The following ACOXL variants were observed in gnomAD, a reference collection of about 807,000 sequenced individuals.
ACOXL encodes acyl-coenzyme A oxidase-like protein.
In ACOXL, 70 loss-of-function variants were observed where a neutral mutation model predicts 71.9. The ratio of observed to expected loss-of-function variants is 0.97; its 90% confidence interval spans 0.80 to 1.19. ACOXL has a LOEUF of 1.19. Ranked by LOEUF, ACOXL falls within the 50% of genes most tolerant of loss-of-function variation. ACOXL has a pLI of 0.00. For synonymous variants in ACOXL, 253 were observed against 281.6 expected, an observed-to-expected ratio of 0.90 and a Z score of 1.02; for missense variants, 703 against 736.3, an observed-to-expected ratio of 0.95 and a Z score of 0.52.
chr2:110,951,994 A>G (rs1488756648), intron 12 of ACOXL, among the ~76,000 whole-genome samples: 1 of 152,220 alleles, frequency 6.6e-6, no homozygotes, highest in Non-Finnish European at 1.5e-5. Flanking sequence ...CATCACTCTC[A>G]TTAAATGACT....
At chr2:111,086,948 C>T (rs1033311984) in intron 16 of ACOXL, among the ~76,000 whole-genome samples, 5 of 152,178 alleles carry the variant, frequency 3.3e-5, no homozygotes, top group African/African-American at 1.2e-4. Context: ...TAAACAACTT[C>T]AGCAAATTTC....
intron 16 of ACOXL, among the ~76,000 whole-genome samples, chr2:111,056,402 C>A (rs545216123): frequency 2.6e-5 from 4 of 152,132 alleles, no homozygotes; most frequent in African/African-American, 9.7e-5. Flanking sequence ...ACCAACCCCC[C>A]AAATTATTGG....
intron 16 of ACOXL, among the ~76,000 whole-genome samples, chr2:111,058,025 C>T (rs1426094531): frequency 6.6e-6 from 1 of 152,180 alleles, no homozygotes; most frequent in Non-Finnish European, 1.5e-5. Flanking sequence ...TCTCCATTTC[C>T]TCTGTGCACA....
intron 16 of ACOXL, among the ~76,000 whole-genome samples, chr2:111,066,440 G>A (rs1013996888): frequency 6.6e-6 from 1 of 152,160 alleles, no homozygotes; most frequent in African/African-American, 2.4e-5. Context: ...TAAGGGACCT[G>A]TGTGGTGATG....
intron 10 of ACOXL, among the ~76,000 whole-genome samples, chr2:110,845,822 C>T (rs1559337175): frequency 1.3e-5 from 2 of 152,196 alleles, no homozygotes; most frequent in Admixed American, 6.5e-5. Flanking sequence ...TCTGTTTCTC[C>T]ATTCATCCAT....
intron 9 of ACOXL, among the ~76,000 whole-genome samples, chr2:110,807,577 G>A (rs1686820623): frequency 1.3e-5 from 2 of 152,168 alleles, no homozygotes; most frequent in Admixed American, 1.3e-4. Flanking sequence ...CCCGGAGTTA[G>A]CACCTGCCCT....
intron 10 of ACOXL, among the ~76,000 whole-genome samples, chr2:110,905,727 T>G (rs904060739): frequency 1.3e-5 from 2 of 152,178 alleles, no homozygotes; most frequent in South Asian, 2.1e-4. Flanking sequence ...AGGGTTGGGC[T>G]TCTGAGTTCC....
At chr2:110,864,102 C>T (rs1694274555) in intron 10 of ACOXL, among the ~76,000 whole-genome samples, 3 of 152,160 alleles carry the variant, frequency 2.0e-5, no homozygotes, top group Non-Finnish European at 2.9e-5. Flanking sequence ...GTTGACTCTG[C>T]ACCAAAGATG....
chr2:111,045,159 AG>A (rs973027662), intron 15 of ACOXL, among the ~76,000 whole-genome samples: 1 of 152,218 alleles, frequency 6.6e-6, no homozygotes, highest in Non-Finnish European at 1.5e-5. Context: ...CTCATGCCCC[AG>A]GGAGACTTTG....
chr2:110,854,850 C>T (rs1025942383), intron 10 of ACOXL, among the ~76,000 whole-genome samples: 9 of 152,226 alleles, frequency 5.9e-5, no homozygotes, highest in African/African-American at 1.7e-4. Context: ...GCAGAGATTA[C>T]TGCTCTGCTC....
At chr2:110,937,843 T>C (rs1326469339) in intron 12 of ACOXL, among the ~76,000 whole-genome samples, 1 of 152,190 alleles carries the variant, frequency 6.6e-6, no homozygotes, top group Non-Finnish European at 1.5e-5. Flanking sequence ...AGTTTTTCCT[T>C]ACATAATATG....
At chr2:110,843,632 A>G (rs1272630301) in intron 10 of ACOXL, among the ~76,000 whole-genome samples, 1 of 152,150 alleles carries the variant, frequency 6.6e-6, no homozygotes, top group Non-Finnish European at 1.5e-5. Context: ...ACAAAATGCA[A>G]GGAGGAAGTT....
chr2:110,919,170 T>C (rs566158083), intron 11 of ACOXL, among the ~76,000 whole-genome samples: 73 of 152,246 alleles, frequency 4.8e-4, no homozygotes, highest in Admixed American at 1.4e-3. Flanking sequence ...TGCCCATCAA[T>C]GATAGACTAG....
At chr2:111,014,775 A>G (rs552851852) in intron 14 of ACOXL, among the ~76,000 whole-genome samples, 1 of 152,382 alleles carries the variant, frequency 6.6e-6, no homozygotes, top group South Asian at 2.1e-4. Flanking sequence ...CAGAATAAGC[A>G]GAGAGATCAA....
chr2:110,887,949 G>A (rs1031248608), intron 10 of ACOXL: 3 of 152,156 alleles, frequency 2.0e-5, no homozygotes, highest in African/African-American at 7.2e-5. Context: ...AATTCCCAAC[G>A]TTTATTTGAA....
At chr2:110,927,759 TA>T (rs754547629) in intron 11 of ACOXL, among the ~76,000 whole-genome samples, 1 of 152,226 alleles carries the variant, frequency 6.6e-6, no homozygotes, top group African/African-American at 2.4e-5. Context: ...CTGCACAGAT[TA>T]ATTCACCTAC....
intron 14 of ACOXL, among the ~76,000 whole-genome samples, chr2:111,021,376 C>T (rs2064751299): frequency 6.6e-6 from 1 of 152,204 alleles, no homozygotes; most frequent in African/African-American, 2.4e-5. Context: ...TATCCTTTCT[C>T]CCATATTCCC....
At chr2:110,838,725 C>G (rs1282622203) in intron 9 of ACOXL, among the ~76,000 whole-genome samples, 1 of 152,234 alleles carries the variant, frequency 6.6e-6, no homozygotes, top group African/African-American at 2.4e-5. Context: ...TTTGTTCAGG[C>G]CTTCCTCATT....
intron 10 of ACOXL, among the ~76,000 whole-genome samples, chr2:110,893,577 TG>T (rs1232170794): frequency 6.6e-6 from 1 of 152,162 alleles, no homozygotes; most frequent in Non-Finnish European, 1.5e-5. Context: ...AAAGTTTGCA[TG>T]TTTTGATACA....
Sources: allele counts gnomAD v4.1 joint callset (sites outside exome capture counted in the v4.1 genomes callset), GRCh38; gene constraint gnomAD v4.1.1; transcripts MANE v1.5; gene names NCBI Gene and HGNC (gene_info 2026-07-23, HGNC 2026-07-21).